The following GRIP1 variants were observed in gnomAD, a reference collection of about 807,000 sequenced individuals.
GRIP1 encodes glutamate receptor interacting protein 1, also known as glutamate receptor-interacting protein 1.
Under a neutral mutation model 129.9 loss-of-function variants are expected in GRIP1, and 45 were observed. The observed-to-expected ratio is 0.35, with a 90% CI of 0.27 to 0.44. The LOEUF is 0.44. GRIP1 is among the 20% of genes least tolerant of loss of function. GRIP1 has a pLI of 1.00. For synonymous variants in GRIP1, 530 were observed against 520.8 expected, an observed-to-expected ratio of 1.02 and a Z score of -0.24; for missense variants, 1,196 against 1,396.8, an observed-to-expected ratio of 0.86 and a Z score of 2.29.
intron 5 of GRIP1, among the ~76,000 whole-genome samples, chr12:66,529,286 T>C (rs2061367164): frequency 6.6e-6 from 1 of 152,184 alleles, no homozygotes; most frequent in South Asian, 2.1e-4. Flanking sequence ...ATTCCACAAC[T>C]GGATATCTAC....
Position 66,349,046 on chromosome 12 carries a change from C to G in GRIP1, c.3360G>C (p.Glu1120Asp). ...FQQPSHGGNL[E>D]TREPTNTL ...ATAATGTATTAGTGGGTTCTCGTGT[C>G]TCCAAATTACCACCGTGGCTAGGCT... The change falls in exon 25 of 25, where the codon GAG (glutamate) becomes GAC (aspartate). Residue 1120 changes from glutamate to aspartate, a missense_variant. Around this residue, in one of 5 missense-constraint regions of GRIP1, gnomAD observed 427 missense variants for 463.3 expected, o/e 0.92. Transcript: ENST00000359742. 1 of 1,613,526 alleles carries G rather than the reference C, an allele frequency of 6.2e-7. No homozygotes were observed. Among genetic ancestry groups the G allele is most frequent in the Non-Finnish European group, 8.5e-7 (1 of 1,179,402 alleles).
intron 1 of GRIP1, among the ~76,000 whole-genome samples, chr12:66,817,803 A>G (rs1010694406): frequency 4.9e-4 from 75 of 152,198 alleles, no homozygotes; most frequent in African/African-American, 1.8e-3. Flanking sequence ...AAAAATAACT[A>G]CATTTCTCAA....
chr12:66,628,780 G>A (rs2030402567), intron 1 of GRIP1, among the ~76,000 whole-genome samples: 1 of 152,196 alleles, frequency 6.6e-6, no homozygotes, highest in Non-Finnish European at 1.5e-5. Flanking sequence ...TAAACACCCA[G>A]CAATGCCCAG....
chr12:66,515,966 G>A (rs775065774), intron 6 of GRIP1, among the ~76,000 whole-genome samples: 5 of 152,082 alleles, frequency 3.3e-5, no homozygotes, highest in Non-Finnish European at 7.4e-5. Context: ...AATCAGTAAT[G>A]AGAAAATAAC....
intron 1 of GRIP1, among the ~76,000 whole-genome samples, chr12:66,814,854 G>A (rs764848964): frequency 3.4e-5 from 5 of 146,296 alleles, no homozygotes; most frequent in Middle Eastern, 3.5e-3. Flanking sequence ...TCTTCACAGG[G>A]CAGCAGGATG....
intron 1 of GRIP1, among the ~76,000 whole-genome samples, chr12:66,634,572 G>C (rs926866534): frequency 6.6e-6 from 1 of 152,144 alleles, no homozygotes; most frequent in African/African-American, 2.4e-5. Flanking sequence ...AATGAACTAA[G>C]TTCTTTTAGC....
chr12:67,044,646 G>A lies in GRIP1; in HGVS notation c.58+24404C>T, dbSNP rs745449377. ...ATTGCTTTTTATCTCATTCTGCTGC[G>A]CTCAAGCTGACACCAGCTACTTCTA... On this transcript the variant is annotated intron_variant, in intron 1 of 1. Coordinates refer to the GRIP1 transcript ENST00000643019. 2.7e-4 allele frequency among the ~76,000 whole-genome samples: 41 copies of A among 152,104 alleles called. 1 individual carries two copies. Among genetic ancestry groups the A allele is most frequent in the Middle Eastern group, 3.4e-3 (1 of 294 alleles).
chr12:66,855,311 T>C (rs570391219), intron 1 of GRIP1, among the ~76,000 whole-genome samples: 5 of 152,090 alleles, frequency 3.3e-5, no homozygotes, highest in South Asian at 2.1e-4. Flanking sequence ...CAGAGTGTTA[T>C]AGCTGGAACT....
chr12:66,400,583 T>C (rs1456186851), intron 16 of GRIP1, among the ~76,000 whole-genome samples: 1 of 152,160 alleles, frequency 6.6e-6, no homozygotes, highest in Non-Finnish European at 1.5e-5. Context: ...AGGTTATTTG[T>C]TTTGAATAGG....
intron 1 of GRIP1, among the ~76,000 whole-genome samples, chr12:66,827,383 TGTGTGAGAGAGAGAGAGA>T (rs1482003925): frequency 2.3e-4 from 25 of 110,100 alleles, no homozygotes; most frequent in South Asian, 5.2e-4. Context: ...TGTGTGTGTG[TGTGTGAGAGAGAGAGAGA>T]GAGAGAGAGA....
intron 1 of GRIP1, among the ~76,000 whole-genome samples, chr12:66,646,267 A>G (rs963292419): frequency 2.0e-5 from 3 of 152,156 alleles, no homozygotes; most frequent in African/African-American, 7.2e-5. Context: ...AGCAATGTTC[A>G]TTGATTGATA....
chr12:66,756,626 T>TAGTGGCAGTGGGTGGTAGA (rs1466903723), intron 1 of GRIP1, among the ~76,000 whole-genome samples: 1 of 152,166 alleles, frequency 6.6e-6, no homozygotes, highest in Non-Finnish European at 1.5e-5. Flanking sequence ...ATGAAGGTGG[T>TAGTGGCAGTGGGTGGTAGA]AGTGGCAGTG....
intron 1 of GRIP1, among the ~76,000 whole-genome samples, chr12:66,723,323 T>TCC: frequency 9.8e-6 from 1 of 102,240 alleles, no homozygotes; most frequent in African/African-American, 4.4e-5. Context: ...TTTTTTTTTT[T>TCC]TTTTTTTGAG....
intron 22 of GRIP1, among the ~76,000 whole-genome samples, chr12:66,372,512 C>T (rs2055566524): frequency 6.6e-6 from 1 of 152,164 alleles, no homozygotes; most frequent in Admixed American, 6.5e-5. Flanking sequence ...CCAGCTAAGT[C>T]TCCATATTAT....
At chr12:66,919,570 A>C (rs569735154) in intron 1 of GRIP1, among the ~76,000 whole-genome samples, 1 of 152,292 alleles carries the variant, frequency 6.6e-6, no homozygotes, top group East Asian at 1.9e-4. Flanking sequence ...TTTTTGGCTT[A>C]CATAAATAGA....
chr12:66,986,610 T>C (rs934690327), intron 1 of GRIP1, among the ~76,000 whole-genome samples: 1 of 143,386 alleles, frequency 7.0e-6, no homozygotes, highest in African/African-American at 2.6e-5. Context: ...TTCTCACTCA[T>C]AGGTGGGAAT....
At chr12:66,522,127 C>T (rs1197143530) in intron 5 of GRIP1, among the ~76,000 whole-genome samples, 8 of 152,202 alleles carry the variant, frequency 5.3e-5, no homozygotes, top group African/African-American at 1.9e-4. Context: ...CTTAAATGTC[C>T]CTGTCTGACA....
At chr12:66,514,429 A>G (rs528186338) in intron 7 of GRIP1, among the ~76,000 whole-genome samples, 70 of 152,284 alleles carry the variant, frequency 4.6e-4, no homozygotes, top group African/African-American at 1.6e-3. Flanking sequence ...AAATCAAATC[A>G]TGTGCTCCAA....
intron 7 of GRIP1, among the ~76,000 whole-genome samples, chr12:66,513,421 T>A (rs2060756964): frequency 6.6e-6 from 1 of 152,128 alleles, no homozygotes; most frequent in Non-Finnish European, 1.5e-5. Context: ...TTGGGAGAAA[T>A]GACATATTTT....
Sources: gnomAD v4.1 joint callset for allele counts (sites outside exome capture counted in the v4.1 genomes callset) on GRCh38, gnomAD v4.1.1 for gene constraint, gnomAD v4.1.1 regional missense constraint, MANE v1.5 for transcripts, NCBI Gene and HGNC (gene_info 2026-07-23, HGNC 2026-07-21) for gene names.